The following PARD3 variants were observed in gnomAD, a reference collection of about 807,000 sequenced individuals.
The protein encoded by PARD3 is par-3 family cell polarity regulator, also known as partitioning defective 3 homolog.
Under a neutral mutation model 155.4 loss-of-function variants are expected in PARD3, and 75 were observed. The ratio of observed to expected loss-of-function variants is 0.48; its 90% CI spans 0.40 to 0.58. PARD3 has a LOEUF of 0.58. Ranked by LOEUF, PARD3 falls within the 20% of genes least tolerant of loss-of-function variation. PARD3 has a pLI of 0.00. For missense variants in PARD3, 1,642 were observed against 1,721.7 expected (o/e 0.95, Z 0.82); for synonymous variants, 576 against 610.5 (o/e 0.94, Z 0.83).
intron 1 of PARD3, among the ~76,000 whole-genome samples, chr10:34,801,257 T>C (rs931209708): frequency 2.0e-5 from 3 of 152,184 alleles, no homozygotes; most frequent in South Asian, 2.1e-4. Flanking sequence ...AAAAAATGTT[T>C]ACAAATAAAT....
chr10:34,651,039 A>C (rs1590409808), intron 2 of PARD3, among the ~76,000 whole-genome samples: 1 of 126,772 alleles, frequency 7.9e-6, no homozygotes, highest in East Asian at 2.3e-4. Flanking sequence ...AAAAAAAAAA[A>C]AAAAAAAAAA....
At chr10:34,742,465 C>T (rs1303872860) in intron 1 of PARD3, among the ~76,000 whole-genome samples, 1 of 152,336 alleles carries the variant, frequency 6.6e-6, no homozygotes, top group East Asian at 1.9e-4. Flanking sequence ...CTACACAACA[C>T]GGCTCCCAGG....
intron 3 of PARD3, among the ~76,000 whole-genome samples, chr10:34,505,931 G>C (rs2081032773): frequency 6.6e-6 from 1 of 152,214 alleles, no homozygotes; most frequent in South Asian, 2.1e-4. Context: ...TTCGAGGCCA[G>C]CCTAGCCAAC....
chr10:34,467,576 C>T (rs1008249024), intron 4 of PARD3, among the ~76,000 whole-genome samples: 6 of 151,358 alleles, frequency 4.0e-5, no homozygotes, highest in South Asian at 2.1e-4. Context: ...AGCAAGACCC[C>T]GTTTCTAAAA....
At chr10:34,723,695 A>G (rs995049812) in intron 1 of PARD3, among the ~76,000 whole-genome samples, 16 of 152,238 alleles carry the variant, frequency 1.1e-4, no homozygotes, top group African/African-American at 3.6e-4. Context: ...CCGCCTAGGG[A>G]AAAAGCTCAA....
At chr10:34,435,906 C>A (rs1415763747) in intron 5 of PARD3, among the ~76,000 whole-genome samples, 2 of 152,136 alleles carry the variant, frequency 1.3e-5, no homozygotes, top group Non-Finnish European at 2.9e-5. Context: ...TAGTGAACTA[C>A]CCATCTTAAA....
At chr10:34,131,842 G>A (rs546146756) in intron 22 of PARD3, among the ~76,000 whole-genome samples, 1 of 151,504 alleles carries the variant, frequency 6.6e-6, no homozygotes, top group African/African-American at 2.4e-5. Flanking sequence ...TTCTTTAAAA[G>A]TTTCATTTCC....
chr10:34,799,822 C>G (rs551219558), intron 1 of PARD3, among the ~76,000 whole-genome samples: 3 of 128,824 alleles, frequency 2.3e-5, no homozygotes, highest in Non-Finnish European at 4.7e-5. Context: ...AAAACCTCAT[C>G]TCTACAAAAA....
intron 12 of PARD3, among the ~76,000 whole-genome samples, chr10:34,360,489 A>T (rs7076719): frequency 0.04 from 6,076 of 152,258 alleles, 395 homozygotes; most frequent in African/African-American, 0.14. Context: ...ACCAAACTTA[A>T]ATCAGATTTG....
intron 5 of PARD3, among the ~76,000 whole-genome samples, chr10:34,442,593 G>A (rs750788838): frequency 2.6e-5 from 4 of 152,192 alleles, no homozygotes; most frequent in African/African-American, 9.7e-5. Context: ...GAAAATACAG[G>A]CATCATGGCT....
rs1441659355 is a variant in PARD3, at chr10:34,337,295, G to A, written c.2540C>T (p.Ser847Leu). Residue 847 changes from serine (S) to leucine (L), a missense_variant, in exon 17 of 25, where the codon TCA becomes TTA. Physicochemically the swap from Ser to Leu is moderately radical, Grantham distance 145 (BLOSUM62 -2). Around this residue, in one of 3 missense-constraint regions of PARD3, gnomAD observed 1,529 missense variants for 1,587.3 expected, o/e 0.96. Transcript: ENST00000374788. ...SQLDFVKTRKSKSMDLGIADE... is the reference protein window; with the variant it reads ...SQLDFVKTRKLKSMDLGIADE... ...CTCACTACCTAAATCCATGCTTTTT[G>A]ATTTTCGTGTTTTAACGAAATCCAA... is the stretch of plus-strand genomic sequence containing the variant. 4.4e-6 allele frequency: 7 copies of A among 1,594,304 alleles called. No individual in the cohort carries two copies. Among genetic ancestry groups the A allele is most frequent in the Non-Finnish European group, 6.0e-6 (7 of 1,172,026 alleles).
chr10:34,690,793 T>A (rs2094042814), intron 2 of PARD3, among the ~76,000 whole-genome samples: 2 of 152,198 alleles, frequency 1.3e-5, no homozygotes, highest in Admixed American at 1.3e-4. Context: ...GAAACAGGCG[T>A]GCTCATCTCA....
At chr10:34,478,144 T>C (rs552249631) in intron 3 of PARD3, among the ~76,000 whole-genome samples, 94 of 152,372 alleles carry the variant, frequency 6.2e-4, no homozygotes, top group Non-Finnish European at 1.3e-3. Flanking sequence ...ATGAATCTTA[T>C]CACCTTGTTA....
intron 5 of PARD3, among the ~76,000 whole-genome samples, chr10:34,432,040 TCAAAAAAAAA>T (rs2075952001): frequency 3.1e-4 from 1 of 3,192 alleles, no homozygotes; most frequent in African/African-American, 5.2e-4. Flanking sequence ...AGACTCTGTC[TCAAAAAAAAA>T]AAAAAAAAAA....
At chr10:34,278,762 G>GT (rs1461682735) in intron 21 of PARD3, among the ~76,000 whole-genome samples, 1 of 152,106 alleles carries the variant, frequency 6.6e-6, no homozygotes, top group Non-Finnish European at 1.5e-5. Flanking sequence ...AAATTACCCA[G>GT]TCTCGAGTAT....
intron 2 of PARD3, among the ~76,000 whole-genome samples, chr10:34,632,640 A>G (rs2092316690): frequency 2.0e-5 from 3 of 152,234 alleles, no homozygotes; most frequent in Admixed American, 1.3e-4. Context: ...GAGAGAAATT[A>G]GAAATGGGGT....
chr10:34,604,615 GATAC>G (rs1349610189), intron 2 of PARD3, among the ~76,000 whole-genome samples: 4 of 147,746 alleles, frequency 2.7e-5, no homozygotes, highest in Non-Finnish European at 6.0e-5. Context: ...AGATATATAT[GATAC>G]ATAAAGATGT....
At chr10:34,637,647 T>A (rs571179634) in intron 2 of PARD3, among the ~76,000 whole-genome samples, 1 of 152,198 alleles carries the variant, frequency 6.6e-6, no homozygotes, top group Non-Finnish European at 1.5e-5. Flanking sequence ...TGCAGGCTGG[T>A]GTGCAATCAC....
chr10:34,463,354 A>AAGGGGAGGGG (rs1192757656), intron 4 of PARD3, among the ~76,000 whole-genome samples: 6 of 73,476 alleles, frequency 8.2e-5, no homozygotes, highest in Admixed American at 3.9e-4. Flanking sequence ...GGGGAAGGGG[A>AAGGGGAGGGG]AGGGGAGGGG....
Sources: gnomAD v4.1 joint callset for allele counts (sites outside exome capture counted in the v4.1 genomes callset) on GRCh38, gnomAD v4.1.1 for gene constraint, gnomAD v4.1.1 regional missense constraint, MANE v1.5 for transcripts, NCBI Gene and HGNC (gene_info 2026-07-23, HGNC 2026-07-21) for gene names.